The following TACR1 variants were observed in gnomAD, a reference collection of about 807,000 sequenced individuals.
TACR1 encodes the protein tachykinin receptor 1, also known as substance-P receptor.
A neutral mutation model predicts 35.8 loss-of-function variants in TACR1; 25 were observed. The observed-to-expected ratio is 0.70, with a 90% CI of 0.51 to 0.98. The LOEUF is 0.98. Among genes scored for constraint, TACR1 ranks in the 50% least tolerant of loss-of-function variants. TACR1 has a pLI of 0.00. For synonymous variants in TACR1, 195 were observed against 206.7 expected (o/e 0.94, Z 0.48); for missense variants, 478 against 522.9 (o/e 0.91, Z 0.84).
At chr2:75,188,994 G>GT (rs1180941633) in intron 1 of TACR1, 1 of 152,178 alleles carries the variant, frequency 6.6e-6, no homozygotes, top group Non-Finnish European at 1.5e-5. Context: ...AGGTCTTGTG[G>GT]TGATTCTTTT....
chr2:75,137,728 CAAAAAAAAAA>C (rs11326632), intron 1 of TACR1, among the ~76,000 whole-genome samples: 5 of 47,514 alleles, frequency 1.1e-4, no homozygotes, highest in African/African-American at 2.7e-4. Context: ...GTCTCCGTCT[CAAAAAAAAAA>C]AAAAAAAAAA....
In TACR1 at chr2:75,086,400, A is replaced by C. The variant is rs113546324; in HGVS notation, c.585-32645T>G. On this transcript the variant is annotated intron_variant, in intron 2 of 4. Coordinates refer to ENST00000305249, the MANE Select transcript of TACR1 (RefSeq NM_001058.4). ...CACTGAGATAAGACAACTGTCTTGTAAGATTTATCATGCCTGTTTTATAAA... is the reference window on the plus strand; with the variant it reads ...CACTGAGATAAGACAACTGTCTTGTCAGATTTATCATGCCTGTTTTATAAA... 1.9e-3 allele frequency among the ~76,000 whole-genome samples: 283 copies of C among 152,362 alleles called. 1 individual carries two copies. The highest frequency in any genetic ancestry group is 6.7e-3 in the African/African-American group (279 of 41,584).
At chr2:75,124,458 C>A (rs779547275) in intron 1 of TACR1, among the ~76,000 whole-genome samples, 1 of 152,206 alleles carries the variant, frequency 6.6e-6, no homozygotes, top group South Asian at 2.1e-4. Context: ...GCCCTCACTT[C>A]TCCCACTCAC....
At chr2:75,127,285 C>T (rs1175927120) in intron 1 of TACR1, among the ~76,000 whole-genome samples, 1 of 152,194 alleles carries the variant, frequency 6.6e-6, no homozygotes, top group Non-Finnish European at 1.5e-5. Context: ...CAGCTAAGCT[C>T]AAGCTCACAA....
chr2:75,120,657 G>C lies in TACR1; in HGVS notation c.501C>G (p.Tyr167Ter). 1 of 1,614,098 alleles carries C rather than the reference G, an allele frequency of 6.2e-7. No homozygotes were observed. Among genetic ancestry groups the C allele is most frequent in the Non-Finnish European group, 8.5e-7 (1 of 1,180,006 alleles). Reference protein sequence around the residue: ...LALLLAFPQGYYSTTETMPSR... With the variant: ...LALLLAFPQG ...TGGGCATGGTCTCTGTGGTTGAGTAGTAGCCCTGGGGGAAGGCCAGCAGGA... is the reference window on the plus strand; with the variant it reads ...TGGGCATGGTCTCTGTGGTTGAGTACTAGCCCTGGGGGAAGGCCAGCAGGA... Residue 167 changes from tyrosine to a stop codon, truncating the protein, a stop_gained, in exon 2 of 5, where the codon TAC (tyrosine) becomes TAG (stop). Transcript: ENST00000305249. LOFTEE classifies it high-confidence loss of function.
At chr2:75,132,083 T>A (rs1272873182) in intron 1 of TACR1, among the ~76,000 whole-genome samples, 1 of 152,214 alleles carries the variant, frequency 6.6e-6, no homozygotes, top group African/African-American at 2.4e-5. Flanking sequence ...TGGAAATTCT[T>A]GATTGGCTCT....
chr2:75,129,070 A>G (rs1674132422), intron 1 of TACR1, among the ~76,000 whole-genome samples: 1 of 152,230 alleles, frequency 6.6e-6, no homozygotes, highest in African/African-American at 2.4e-5. Flanking sequence ...CATTAGCTCC[A>G]GCAGCAGAGT....
intron 2 of TACR1, among the ~76,000 whole-genome samples, chr2:75,107,271 T>TA (rs780162467): frequency 2.6e-5 from 4 of 151,926 alleles, no homozygotes; most frequent in Non-Finnish European, 5.9e-5. Flanking sequence ...AAAGGACAAT[T>TA]ACAATGAAAG....
At chr2:75,169,231 C>T (rs951853484) in intron 1 of TACR1, among the ~76,000 whole-genome samples, 3 of 152,056 alleles carry the variant, frequency 2.0e-5, no homozygotes, top group African/African-American at 7.2e-5. Context: ...TGATAGATTA[C>T]AATTCTCATA....
intron 1 of TACR1, among the ~76,000 whole-genome samples, chr2:75,167,644 T>C (rs7603694): frequency 0.22 from 33,297 of 151,990 alleles, 4,434 homozygotes; most frequent in African/African-American, 0.36. Context: ...TACAAGGAAA[T>C]AGAGGCAAAT....
chr2:75,138,147 C>A (rs1032723549), intron 1 of TACR1, among the ~76,000 whole-genome samples: 1 of 152,134 alleles, frequency 6.6e-6, no homozygotes, highest in Non-Finnish European at 1.5e-5. Context: ...AGAGATGGGA[C>A]CCCCACCCAT....
At chr2:75,127,763 C>T (rs1674101854) in intron 1 of TACR1, among the ~76,000 whole-genome samples, 3 of 152,188 alleles carry the variant, frequency 2.0e-5, no homozygotes, top group Admixed American at 2.0e-4. Flanking sequence ...CGAGGTGATT[C>T]CAGACCCTGG....
chr2:75,127,186 A>G (rs1195169849), intron 1 of TACR1, among the ~76,000 whole-genome samples: 1 of 152,254 alleles, frequency 6.6e-6, no homozygotes, highest in Admixed American at 6.5e-5. Context: ...ACATTTCATC[A>G]GTTGAGATTT....
chr2:75,100,544 A>G (rs940384382), intron 2 of TACR1, among the ~76,000 whole-genome samples: 1 of 152,120 alleles, frequency 6.6e-6, no homozygotes, highest in Non-Finnish European at 1.5e-5. Flanking sequence ...TGAGCATTTC[A>G]TGACTCTGTG....
intron 2 of TACR1, among the ~76,000 whole-genome samples, chr2:75,082,386 C>T (rs572624030): frequency 9.8e-5 from 15 of 152,296 alleles, no homozygotes; most frequent in Admixed American, 2.6e-4. Flanking sequence ...AATAAACATA[C>T]GTGTGCATGT....
intron 2 of TACR1, among the ~76,000 whole-genome samples, chr2:75,066,819 CA>C (rs1453102675): frequency 1.3e-5 from 2 of 152,180 alleles, no homozygotes; most frequent in Admixed American, 6.5e-5. Context: ...AAGAAATTGT[CA>C]AGGATACTAC....
At chr2:75,193,306 G>T (rs932948339) in intron 1 of TACR1, among the ~76,000 whole-genome samples, 1 of 152,182 alleles carries the variant, frequency 6.6e-6, no homozygotes, top group African/African-American at 2.4e-5. Flanking sequence ...GTGCTCAATA[G>T]TGGTTTGATG....
chr2:75,092,306 G>A (rs1010620349), intron 2 of TACR1, among the ~76,000 whole-genome samples: 13 of 152,092 alleles, frequency 8.5e-5, no homozygotes, highest in African/African-American at 2.9e-4. Flanking sequence ...TATGCAGAAT[G>A]CAACACCACC....
At chr2:75,069,117 C>T (rs62148939) in intron 2 of TACR1, among the ~76,000 whole-genome samples, 1 of 152,096 alleles carries the variant, frequency 6.6e-6, no homozygotes, top group Non-Finnish European at 1.5e-5. Context: ...TTCCCCTGCA[C>T]CAGCTCTCTT....
Sources: gnomAD v4.1 joint callset for allele counts (sites outside exome capture counted in the v4.1 genomes callset) on GRCh38, gnomAD v4.1.1 for gene constraint, MANE v1.5 for transcripts, NCBI Gene and HGNC (gene_info 2026-07-23, HGNC 2026-07-21) for gene names.